The following PRKAR1B variants were observed in gnomAD, a reference collection of about 807,000 sequenced individuals.
The protein encoded by PRKAR1B is cAMP-dependent protein kinase type I-beta regulatory subunit.
PRKAR1B carries 22 observed loss-of-function variants against 46.5 expected under a neutral mutation model. That is an observed-to-expected ratio of 0.47 (90% CI 0.34 to 0.68). The LOEUF is 0.68. PRKAR1B is among the 30% of genes least tolerant of loss of function. The pLI, the probability that PRKAR1B is intolerant of heterozygous loss-of-function variation, is 0.01. For synonymous variants in PRKAR1B, 259 were observed against 217.7 expected (o/e 1.19, Z -1.67); for missense variants, 445 against 535.6 (o/e 0.83, Z 1.67).
At chr7:720,988 T>A (rs150516320) in intron 1 of PRKAR1B, among the ~76,000 whole-genome samples, 1 of 152,374 alleles carries the variant, frequency 6.6e-6, no homozygotes, top group East Asian at 1.9e-4. Flanking sequence ...CATTTAATCA[T>A]CTGTTCTCTC....
At chr7:656,813 A>T (rs1785222927) in intron 4 of PRKAR1B, among the ~76,000 whole-genome samples, 1 of 152,006 alleles carries the variant, frequency 6.6e-6, no homozygotes. Flanking sequence ...GTGTGGATAG[A>T]TGAATGAATG....
intron 4 of PRKAR1B, among the ~76,000 whole-genome samples, chr7:640,803 CACACAGACACAA>C (rs1407482176): frequency 2.4e-4 from 31 of 130,052 alleles, no homozygotes; most frequent in Non-Finnish European, 4.5e-4. Flanking sequence ...CACACACACA[CACACAGACACAA>C]ATGAAATACC....
chr7:550,148 G>A lies in PRKAR1B; in HGVS notation c.*282C>T, dbSNP rs1784088863. 3 of 430,052 alleles carry A rather than the reference G, an allele frequency of 7.0e-6. No individual in the cohort carries two copies. The highest frequency in any genetic ancestry group is 6.9e-5 in the South Asian group (3 of 43,500). The allele number at this position is 430,052 out of a possible 1,614,324, so 26.6% of individuals were successfully genotyped here. ...TGGCAGGGGTGGGGTGGGCCCCCCAGGAGAAGCCCACAGAGGCAGCCGGGG... is the reference window on the plus strand; with the variant it reads ...TGGCAGGGGTGGGGTGGGCCCCCCAAGAGAAGCCCACAGAGGCAGCCGGGG... On this transcript the variant is annotated 3_prime_UTR_variant, in exon 11 of 11. Coordinates refer to ENST00000537384, the MANE Select transcript of PRKAR1B (RefSeq NM_001164760.2).
intron 5 of PRKAR1B, among the ~76,000 whole-genome samples, chr7:606,767 CGTGTGT>C (rs71546453): frequency 6.7e-4 from 100 of 148,374 alleles, no homozygotes; most frequent in East Asian, 1.8e-3. Context: ...GAATTTTATG[CGTGTGT>C]GTGTGTGTGT....
At position 550,620 on chromosome 7, in the gene PRKAR1B, A is replaced by C. The variant is rs1401820585; in HGVS notation, c.974-18T>G. 5 of 1,532,532 alleles carry C rather than the reference A, an allele frequency of 3.3e-6. No homozygotes were observed. Among genetic ancestry groups the C allele is most frequent in the Non-Finnish European group, 4.4e-6 (5 of 1,144,676 alleles). 94.9% of individuals were successfully genotyped at this position (1,532,532 alleles called of 1,614,324 possible). A position where few individuals can be genotyped will look rare whatever the true frequency, so the allele number is the denominator to read the frequency against. On this transcript the variant is annotated intron_variant, in intron 10 of 10. Coordinates refer to ENST00000537384, the MANE Select transcript of PRKAR1B (RefSeq NM_001164760.2). ...AATCTCCCCTGGGGGTTGAAGAGAGAGGTCAGGGCTGGGCCTGGGGGTCCT... is the reference window on the plus strand; with the variant it reads ...AATCTCCCCTGGGGGTTGAAGAGAGCGGTCAGGGCTGGGCCTGGGGGTCCT...
intron 2 of PRKAR1B, among the ~76,000 whole-genome samples, chr7:692,261 G>A (rs1779472650): frequency 1.3e-5 from 2 of 152,200 alleles, no homozygotes; most frequent in African/African-American, 4.8e-5. Context: ...TTAGCCACAT[G>A]TGGTGGCGCA....
intron 4 of PRKAR1B, among the ~76,000 whole-genome samples, chr7:658,118 G>T (rs1785307740): frequency 6.6e-6 from 1 of 152,112 alleles, no homozygotes; most frequent in Admixed American, 6.6e-5. Flanking sequence ...ATGTGATTAT[G>T]AAGACAAGAA....
chr7:666,807 G>T lies in PRKAR1B; in HGVS notation c.440+10422C>A, dbSNP rs186571731. On this transcript the variant is annotated intron_variant, in intron 4 of 10. Transcript: ENST00000537384. This position sits in a 1 kb window ranked among gnomAD's most constrained non-coding sequence, Gnocchi z 4.9. ...TTTCTCAGACCAAGTACTGAGTGGG[G>T]CCTGACTGCGGGGTCTGTCTGGATA... 6.6e-6 allele frequency among the ~76,000 whole-genome samples: 1 copy of T among 152,338 alleles called. No homozygotes were observed. The highest frequency in any genetic ancestry group is 1.9e-4 in the East Asian group (1 of 5,180).
intron 2 of PRKAR1B, among the ~76,000 whole-genome samples, chr7:680,980 C>T (rs77589849): frequency 0.069 from 10,500 of 152,190 alleles, 535 homozygotes; most frequent in Middle Eastern, 0.17. Context: ...ATTGTAATCC[C>T]CATCATCCCC....
chr7:670,939 C>G lies in PRKAR1B; in HGVS notation c.440+6290G>C, dbSNP rs112298102. Among the ~76,000 whole-genome samples, 1,406 of 152,334 alleles carry G rather than the reference C, an allele frequency of 9.2e-3. 22 individuals carry two copies. The highest frequency in any genetic ancestry group is 0.056 in the East Asian group (289 of 5,184). On this transcript the variant is annotated intron_variant, in intron 4 of 10. Coordinates refer to ENST00000537384, the MANE Select transcript of PRKAR1B (RefSeq NM_001164760.2). Reference sequence around the variant, plus strand: ...ATCAGCCCCAGATACCGGAGATGATCGTGGCTGCAGCACATCCCAGCCCAT... The same window carrying G: ...ATCAGCCCCAGATACCGGAGATGATGGTGGCTGCAGCACATCCCAGCCCAT...
At chr7:550,669 T>G in intron 10 of PRKAR1B, 67 bp from the exon 11 acceptor site, 1 of 1,358,552 alleles carries the variant, frequency 7.4e-7, no homozygotes, top group Non-Finnish European at 9.8e-7. Flanking sequence ...GGAAAGATTA[T>G]GTCCAGGACC....
chr7:596,368 TACAG>T (rs1199813249), intron 6 of PRKAR1B, 64 bp from the exon 7 acceptor site: 21 of 1,546,210 alleles, frequency 1.4e-5, no homozygotes, highest in Non-Finnish European at 1.8e-5. Flanking sequence ...CTGCATCCCA[TACAG>T]AAAGTCCCCC....
chr7:560,826 G>A lies in PRKAR1B; in HGVS notation c.892-9356C>T, dbSNP rs976620594. ...CATCATGAGGGCGGCGGCCATGAGTGAACGTAAGAGTGGACAGACACCAAA... is the reference window on the plus strand; with the variant it reads ...CATCATGAGGGCGGCGGCCATGAGTAAACGTAAGAGTGGACAGACACCAAA... On this transcript the variant is annotated intron_variant, in intron 9 of 10. Transcript: ENST00000537384. This position sits in a 1 kb window ranked among gnomAD's most constrained non-coding sequence, Gnocchi z 4.2. Among the ~76,000 whole-genome samples the A allele has an allele frequency of 6.6e-6, 1 of 152,224 alleles. No homozygotes were observed. The highest frequency in any genetic ancestry group is 2.4e-5 in the African/African-American group (1 of 41,460).
At chr7:676,945 G>A (rs1467931836) in intron 4 of PRKAR1B, among the ~76,000 whole-genome samples, 3 of 148,232 alleles carry the variant, frequency 2.0e-5, no homozygotes, top group Non-Finnish European at 3.0e-5. Context: ...CCCACCTCCC[G>A]GAGGGCAAGG....
At chr7:684,330 C>A (rs1448244401) in intron 2 of PRKAR1B, among the ~76,000 whole-genome samples, 1 of 152,236 alleles carries the variant, frequency 6.6e-6, no homozygotes, top group African/African-American at 2.4e-5. Context: ...TTAAATATAT[C>A]TTGACGGAGC....
chr7:575,322 G>C (rs891510366), intron 9 of PRKAR1B, among the ~76,000 whole-genome samples: 7 of 152,232 alleles, frequency 4.6e-5, no homozygotes, highest in South Asian at 2.1e-4. Context: ...GAGCACAGCT[G>C]CTGGGCCCCA....
intron 4 of PRKAR1B, among the ~76,000 whole-genome samples, chr7:630,947 C>T (rs1583326170): frequency 2.1e-5 from 3 of 146,084 alleles, no homozygotes; most frequent in Non-Finnish European, 3.0e-5. Flanking sequence ...GCAGCTGATT[C>T]GGATTTTTTT....
chr7:633,249 A>T (rs1277486477), intron 4 of PRKAR1B, among the ~76,000 whole-genome samples: 1 of 152,184 alleles, frequency 6.6e-6, no homozygotes, highest in South Asian at 2.1e-4. Flanking sequence ...TCTATCTAAC[A>T]CAGGCAGGAG....
intron 4 of PRKAR1B, among the ~76,000 whole-genome samples, chr7:615,770 G>A (rs188945269): frequency 4.0e-4 from 57 of 143,814 alleles, no homozygotes; most frequent in African/African-American, 1.4e-3. Flanking sequence ...AGAGCTTGCA[G>A]TGAGCCGAGA....
Sources: gnomAD v4.1 joint callset for allele counts (sites outside exome capture counted in the v4.1 genomes callset) on GRCh38, gnomAD v4.1.1 for gene constraint, Gnocchi (gnomAD v3.1) non-coding constraint, MANE v1.5 for transcripts, NCBI Gene and HGNC (gene_info 2026-07-23, HGNC 2026-07-21) for gene names.